The following ST7 variants were observed in gnomAD, a reference collection of about 807,000 sequenced individuals.
ST7 encodes the protein suppressor of tumorigenicity 7 protein.
Under a neutral mutation model 78.7 loss-of-function variants are expected in ST7, and 28 were observed. That is an observed-to-expected ratio of 0.36 (90% CI 0.26 to 0.49). The LOEUF is 0.49. ST7 is among the 20% of genes least tolerant of loss of function. The probability of loss-of-function intolerance (pLI) is 0.99; values close to 1 mark genes in which losing one functional copy is unlikely to be tolerated. For missense variants in ST7, 418 were observed against 696.0 expected, an observed-to-expected ratio of 0.60 and a Z score of 4.49; for synonymous variants, 247 against 249.6, an observed-to-expected ratio of 0.99 and a Z score of 0.10.
intron 1 of ST7, chr7:116,959,075 G>T (rs1792685866): frequency 4.7e-6 from 2 of 426,518 alleles, no homozygotes; most frequent in South Asian, 3.5e-5. Context: ...TTTCAGAATT[G>T]GAGTCAATTT....
chr7:117,057,357 G>A (rs1798116993), intron 1 of ST7, among the ~76,000 whole-genome samples: 1 of 152,048 alleles, frequency 6.6e-6, no homozygotes, highest in African/African-American at 2.4e-5. Context: ...GTCAAGGACT[G>A]TTTCTTTTGT....
Position 117,162,496 on chromosome 7 carries a change from G to A in ST7, c.964-8366G>A, listed in dbSNP as rs563407832. On this transcript the variant is annotated intron_variant, in intron 9 of 15. Transcript: ENST00000323984. Reference sequence around the variant, plus strand: ...TTTTCCTCATCCATAGTGAATATCCGCACACGGGGGATATTTGTGGGGATA... The same window carrying A: ...TTTTCCTCATCCATAGTGAATATCCACACACGGGGGATATTTGTGGGGATA... 1.6e-3 allele frequency among the ~76,000 whole-genome samples: 239 copies of A among 148,038 alleles called. 1 individual carries two copies. The highest frequency in any genetic ancestry group is 6.9e-3 in the Middle Eastern group (2 of 290).
intron 1 of ST7, chr7:116,959,635 A>G (rs1275003782): frequency 6.1e-6 from 1 of 165,142 alleles, no homozygotes; most frequent in Admixed American, 6.4e-5. Flanking sequence ...ACAAGATCTT[A>G]TATATTCTAT....
At chr7:117,126,032 G>A (rs1803809617) in intron 3 of ST7, among the ~76,000 whole-genome samples, 1 of 151,922 alleles carries the variant, frequency 6.6e-6, no homozygotes. Flanking sequence ...ATGTATGTAA[G>A]GAATGTAGAT....
At chr7:117,222,160 G>A in intron 15 of ST7, 98 bp downstream of exon 15, 24 of 1,350,556 alleles carry the variant, frequency 1.8e-5, no homozygotes, top group Non-Finnish European at 2.4e-5. Flanking sequence ...ACAGAAATGG[G>A]TACGAGCCTG....
intron 9 of ST7, among the ~76,000 whole-genome samples, chr7:117,149,996 C>CTA (rs1806125748): frequency 6.6e-6 from 1 of 152,140 alleles, no homozygotes; most frequent in African/African-American, 2.4e-5. Flanking sequence ...TCCTTGTGGA[C>CTA]TATACACCTG....
intron 2 of ST7, among the ~76,000 whole-genome samples, chr7:117,107,109 ATG>A (rs1043898128): frequency 1.3e-5 from 2 of 152,040 alleles, no homozygotes; most frequent in South Asian, 4.2e-4. Context: ...GTGTGTGTGT[ATG>A]TGTATATATA....
At chr7:117,152,136 A>G (rs1354499921) in intron 9 of ST7, among the ~76,000 whole-genome samples, 1 of 135,836 alleles carries the variant, frequency 7.4e-6, no homozygotes, top group Non-Finnish European at 1.6e-5. Flanking sequence ...AATAATAATA[A>G]TTTATATATA....
chr7:117,099,066 C>CAAAAAAAAAAAAAAAAAAAAA (rs55999217), intron 1 of ST7, among the ~76,000 whole-genome samples: 1 of 94,604 alleles, frequency 1.1e-5, no homozygotes, highest in Non-Finnish European at 2.0e-5. Context: ...AAAAAAAAAA[C>CAAAAAAAAAAAAAAAAAAAAA]AAAAAAAAAA....
At chr7:117,105,216 G>A (rs763025224) in intron 2 of ST7, among the ~76,000 whole-genome samples, 7 of 152,190 alleles carry the variant, frequency 4.6e-5, no homozygotes, top group Non-Finnish European at 7.4e-5. Context: ...AATAAGCCAA[G>A]TACAGAAAGA....
rs561013129 is a variant in ST7 at position 117,209,784 on chromosome 7, C to T, written c.1255-3C>T. 3 of 1,611,750 alleles carry T rather than the reference C, an allele frequency of 1.9e-6. No homozygotes were observed. The highest frequency in any genetic ancestry group is 1.7e-5 in the Admixed American group (1 of 59,592). Reference sequence around the variant, plus strand: ...ACAAGTGTGTCCTGCTTTTTTATTTCAGTACCTACTAGAAATGAAAAGCTT... The same window carrying T: ...ACAAGTGTGTCCTGCTTTTTTATTTTAGTACCTACTAGAAATGAAAAGCTT... On this transcript the variant is annotated splice_polypyrimidine_tract_variant and splice_region_variant and intron_variant, in intron 12 of 15. Coordinates refer to ENST00000323984, the MANE Select transcript of ST7 (RefSeq NM_001369598.1).
At chr7:117,218,675 A>C (rs1370983676) in intron 13 of ST7, among the ~76,000 whole-genome samples, 1 of 152,160 alleles carries the variant, frequency 6.6e-6, no homozygotes, top group Non-Finnish European at 1.5e-5. Context: ...CATCTATACA[A>C]ACTCCAACAA....
Position 117,138,454 on chromosome 7 carries a change from G to C in ST7, c.885G>C (p.Leu295Phe). 1.9e-6 allele frequency: 3 copies of C among 1,607,858 alleles called. No individual in the cohort carries two copies. The highest frequency in any genetic ancestry group is 2.5e-6 in the Non-Finnish European group (3 of 1,176,704). Residue 295 changes from leucine to phenylalanine, a missense_variant, in exon 9 of 16, where the codon TTG (leucine) becomes TTC (phenylalanine). Physicochemically the swap from Leu to Phe is conservative, Grantham distance 22. Coordinates refer to ENST00000323984, the MANE Select transcript of ST7 (RefSeq NM_001369598.1). ...EAQHRRDTNV[L>F]VYIKRRLAMC... The stretch of plus-strand genomic sequence containing the variant: ...CTTCAGGACGAGACACCAATGTCTT[G>C]GTGTACATCAAAAGAAGGCTAGCAA...
chr7:117,125,047 A>G (rs1224644170), intron 3 of ST7, among the ~76,000 whole-genome samples: 1 of 152,168 alleles, frequency 6.6e-6, no homozygotes, highest in Non-Finnish European at 1.5e-5. Flanking sequence ...AATAGTCTTA[A>G]TGAGGGTAAA....
chr7:116,984,816 C>A (rs534391644), intron 1 of ST7, among the ~76,000 whole-genome samples: 1 of 152,262 alleles, frequency 6.6e-6, no homozygotes, highest in East Asian at 1.9e-4. Context: ...ACAGCTCAAT[C>A]TGGACTGTTC....
chr7:117,050,030 C>T (rs189188433), intron 1 of ST7, among the ~76,000 whole-genome samples: 182 of 148,238 alleles, frequency 1.2e-3, no homozygotes, highest in African/African-American at 4.4e-3. Flanking sequence ...CACGGTGAAA[C>T]CCTGTCTCTA....
chr7:117,130,643 C>A (rs377736422), intron 5 of ST7, 37 bp downstream of exon 5: 18 of 1,519,612 alleles, frequency 1.2e-5, no homozygotes, highest in Non-Finnish European at 1.8e-6. Context: ...AATGGGAGGG[C>A]TTTTTGGCTT....
chr7:117,214,037 G>A (rs1792495382), intron 13 of ST7, among the ~76,000 whole-genome samples: 1 of 152,086 alleles, frequency 6.6e-6, no homozygotes, highest in South Asian at 2.1e-4. Context: ...ATTTTAAATG[G>A]CACATTTTCT....
chr7:117,135,508 G>GC (rs555119514), intron 7 of ST7, among the ~76,000 whole-genome samples: 1 of 151,728 alleles, frequency 6.6e-6, no homozygotes, highest in Non-Finnish European at 1.5e-5. Flanking sequence ...GAAGCACTGT[G>GC]TTTTTTTTCA....
Sources: gnomAD v4.1 joint callset for allele counts (sites outside exome capture counted in the v4.1 genomes callset) on GRCh38, gnomAD v4.1.1 for gene constraint, MANE v1.5 for transcripts, NCBI Gene and HGNC (gene_info 2026-07-23, HGNC 2026-07-21) for gene names.